GABRB3: variants seen among roughly 807,000 people sequenced by gnomAD.
The protein encoded by GABRB3 is gamma-aminobutyric acid type A receptor subunit beta3.
Under a neutral mutation model 52.1 loss-of-function variants are expected in GABRB3, and 14 were observed. The ratio of observed to expected loss-of-function variants is 0.27; its 90% CI spans 0.18 to 0.42. The LOEUF (loss-of-function observed/expected upper bound fraction) is 0.42. Ranked by LOEUF, GABRB3 falls within the 10% of genes least tolerant of loss-of-function variation. The probability of loss-of-function intolerance (pLI) is 1.00; values close to 1 mark genes in which losing one functional copy is unlikely to be tolerated. For synonymous variants in GABRB3, 260 were observed against 232.3 expected, an observed-to-expected ratio of 1.12 and a Z score of -1.08; for missense variants, 307 against 609.1, an observed-to-expected ratio of 0.50 and a Z score of 5.22.
chr15:26,554,207 A>ATATATATATATTTATTTATTTATT (rs1348288306), intron 8 of GABRB3, among the ~76,000 whole-genome samples: 9 of 57,830 alleles, frequency 1.6e-4, no homozygotes, highest in South Asian at 6.2e-4. Flanking sequence ...ATATATATAT[A>ATATATATATATTTATTTATTTATT]TAGTAGAAAC....
chr15:26,675,990 G>A (rs527718458), intron 3 of GABRB3, among the ~76,000 whole-genome samples: 2 of 152,146 alleles, frequency 1.3e-5, no homozygotes, highest in African/African-American at 4.8e-5. Context: ...GTTCAGAAAG[G>A]CCTGATTAGA....
At chr15:26,659,689 T>C (rs760242840) in intron 3 of GABRB3, among the ~76,000 whole-genome samples, 1 of 152,048 alleles carries the variant, frequency 6.6e-6, no homozygotes, top group African/African-American at 2.4e-5. Context: ...AAGAGGAAGA[T>C]GGAAATGAGG....
chr15:26,658,247 C>T (rs753482328), intron 3 of GABRB3, among the ~76,000 whole-genome samples: 1 of 152,162 alleles, frequency 6.6e-6, no homozygotes, highest in Non-Finnish European at 1.5e-5. Context: ...GCCCCTTGCC[C>T]ACCAAACTAT....
chr15:26,622,330 A>C (rs1369205055), intron 3 of GABRB3, among the ~76,000 whole-genome samples: 1 of 152,144 alleles, frequency 6.6e-6, no homozygotes, highest in East Asian at 1.9e-4. Flanking sequence ...GAAAAAAGAC[A>C]AATCAGAGGC....
At chr15:26,699,024 G>A (rs920059294) in intron 3 of GABRB3, among the ~76,000 whole-genome samples, 1 of 152,106 alleles carries the variant, frequency 6.6e-6, no homozygotes, top group African/African-American at 2.4e-5. Context: ...ATAGTGTGAT[G>A]AGCGTTTGAT....
chr15:26,628,574 G>C (rs935070346), intron 3 of GABRB3, among the ~76,000 whole-genome samples: 1 of 152,190 alleles, frequency 6.6e-6, no homozygotes, highest in South Asian at 2.1e-4. Flanking sequence ...ATTCAGCTAT[G>C]TGAAGGGAAG....
At chr15:26,687,969 G>A (rs372212506) in intron 3 of GABRB3, among the ~76,000 whole-genome samples, 13 of 152,158 alleles carry the variant, frequency 8.5e-5, no homozygotes, top group African/African-American at 3.1e-4. Context: ...CGCTTTTTGA[G>A]TCCAGTGGAC....
At chr15:26,616,051 G>A (rs1892245142) in intron 4 of GABRB3, 1 of 1,289,020 alleles carries the variant, frequency 7.8e-7, no homozygotes, top group Non-Finnish European at 1.0e-6. Flanking sequence ...CCAGGCCAGG[G>A]CCATAGTACC....
intron 3 of GABRB3, among the ~76,000 whole-genome samples, chr15:26,764,201 T>A (rs1455492244): frequency 3.7e-4 from 5 of 13,410 alleles, no homozygotes; most frequent in African/African-American, 1.1e-3. Flanking sequence ...TATATATATA[T>A]ATATATATAT....
intron 8 of GABRB3, 76 bp downstream of exon 8, chr15:26,560,856 A>G (rs1316493752): frequency 6.2e-7 from 1 of 1,601,736 alleles, no homozygotes. Flanking sequence ...GAAAAAACAA[A>G]GAAATATCAT....
intron 3 of GABRB3, among the ~76,000 whole-genome samples, chr15:26,650,143 C>T (rs1887151487): frequency 6.6e-6 from 1 of 152,194 alleles, no homozygotes; most frequent in South Asian, 2.1e-4. Context: ...CACTCAGTTC[C>T]TGTCCAGAGC....
chr15:26,773,108 G>T, upstream of GABRB3: 1 of 822,558 alleles, frequency 1.2e-6, no homozygotes, highest in Non-Finnish European at 1.5e-6. Flanking sequence ...GGAGGAGGGG[G>T]AGGAGCGGGC....
chr15:26,565,677 C>T (rs1890140961), intron 7 of GABRB3, among the ~76,000 whole-genome samples: 1 of 152,158 alleles, frequency 6.6e-6, no homozygotes, highest in African/African-American at 2.4e-5. Flanking sequence ...GAAGGCAATA[C>T]TTTACAATTA....
intron 8 of GABRB3, among the ~76,000 whole-genome samples, chr15:26,554,037 T>TATATATATATATATATGTATATATATA (rs59100810): frequency 1.7e-5 from 1 of 58,486 alleles, no homozygotes; most frequent in Admixed American, 2.3e-4. Flanking sequence ...ATATATATAT[T>TATATATATATATATATGTATATATATA]TATTTATTTA....
intron 3 of GABRB3, among the ~76,000 whole-genome samples, chr15:26,714,937 A>G (rs1595546898): frequency 6.6e-6 from 1 of 152,250 alleles, no homozygotes; most frequent in South Asian, 2.1e-4. Context: ...GAGAAACACA[A>G]CCATCCGCTG....
intron 3 of GABRB3, among the ~76,000 whole-genome samples, chr15:26,650,873 C>T (rs937072842): frequency 6.6e-6 from 1 of 152,108 alleles, no homozygotes; most frequent in African/African-American, 2.4e-5. Flanking sequence ...AAGAGGCGAT[C>T]AGGCTTCAGG....
At chr15:26,586,220 C>T (rs942948541) in intron 4 of GABRB3, among the ~76,000 whole-genome samples, 7 of 151,944 alleles carry the variant, frequency 4.6e-5, no homozygotes, top group Non-Finnish European at 7.4e-5. Context: ...AGGATGGTCT[C>T]GATCTCCTGA....
chr15:26,624,492 C>G, intron 3 of GABRB3: 1 of 985,426 alleles, frequency 1.0e-6, no homozygotes, highest in Non-Finnish European at 1.2e-6. Flanking sequence ...GCCCTAGGAG[C>G]CCGGCTGTCA....
At chr15:26,589,055 C>A (rs940137591) in intron 4 of GABRB3, among the ~76,000 whole-genome samples, 2 of 152,184 alleles carry the variant, frequency 1.3e-5, no homozygotes, top group African/African-American at 4.8e-5. Flanking sequence ...CCGTTCCCTG[C>A]ACGCCTGAGT....
Sources: gnomAD v4.1 joint callset for allele counts (sites outside exome capture counted in the v4.1 genomes callset) on GRCh38, gnomAD v4.1.1 for gene constraint, MANE v1.5 for transcripts, NCBI Gene and HGNC (gene_info 2026-07-23, HGNC 2026-07-21) for gene names.